The following RABGAP1 variants were observed in gnomAD, a reference collection of about 807,000 sequenced individuals.
The protein encoded by RABGAP1 is rab GTPase-activating protein 1.
A neutral mutation model predicts 137.6 loss-of-function variants in RABGAP1; 23 were observed. The observed-to-expected ratio is 0.17, with a 90% CI of 0.12 to 0.24. The LOEUF (loss-of-function observed/expected upper bound fraction) is 0.24. Ranked by LOEUF, RABGAP1 falls within the 10% of genes least tolerant of loss-of-function variation. The probability of loss-of-function intolerance (pLI) is 1.00; values close to 1 mark genes in which losing one functional copy is unlikely to be tolerated. For missense variants in RABGAP1, 906 were observed against 1,275.8 expected (o/e 0.71, Z 4.42); for synonymous variants, 451 against 450.7 (o/e 1.00, Z -0.01).
At chr9:122,986,533 C>T (rs1364117164) in intron 4 of RABGAP1, 114 bp downstream of exon 4, 5 of 1,149,668 alleles carry the variant, frequency 4.3e-6, no homozygotes, top group South Asian at 3.0e-5. Flanking sequence ...ACTTGTGTAA[C>T]GTTTCATTTA....
intron 13 of RABGAP1, among the ~76,000 whole-genome samples, chr9:123,051,640 A>G (rs1253139687): frequency 1.3e-5 from 2 of 152,122 alleles, no homozygotes; most frequent in African/African-American, 4.8e-5. Flanking sequence ...AACACTGAGC[A>G]GCCTTCATAC....
chr9:122,996,591 C>T lies in RABGAP1; in HGVS notation c.1087C>T (p.His363Tyr). The T allele has an allele frequency of 1.2e-6, 2 of 1,603,698 alleles. No individual in the cohort carries two copies. The part of the protein sequence containing the change: ...PGKDVRNSDM[H>Y]LLDLESMGKS... ...AAAAGATGTACGAAATAGTGACATG[C>T]ACTTATTAGATTTGGTAAGAATTTA... Residue 363 changes from histidine (H) to tyrosine (Y), a missense_variant, in exon 8 of 26, where the codon CAC (histidine) becomes TAC (tyrosine). Coordinates refer to ENST00000373647, the MANE Select transcript of RABGAP1 (RefSeq NM_012197.4).
chr9:122,964,159 T>C (rs1353049449), intron 2 of RABGAP1, among the ~76,000 whole-genome samples: 1 of 152,194 alleles, frequency 6.6e-6, no homozygotes, highest in African/African-American at 2.4e-5. Context: ...TTAATATCTA[T>C]TCTGCACAAA....
intron 2 of RABGAP1, among the ~76,000 whole-genome samples, chr9:122,967,934 G>A (rs1835256952): frequency 6.6e-6 from 1 of 152,020 alleles, no homozygotes; most frequent in South Asian, 2.1e-4. Context: ...TACCATGTTG[G>A]CTAGGCTGAT....
At chr9:123,099,697 C>T (rs963075376) in intron 24 of RABGAP1, 148 bp downstream of exon 24, 21 of 646,126 alleles carry the variant, frequency 3.3e-5, no homozygotes, top group Non-Finnish European at 5.4e-6. Context: ...CAGTAGTTGA[C>T]AACTAACACT....
intron 4 of RABGAP1, among the ~76,000 whole-genome samples, chr9:122,988,082 A>G (rs1161040075): frequency 6.6e-6 from 1 of 152,208 alleles, no homozygotes; most frequent in Non-Finnish European, 1.5e-5. Context: ...ATGATAAACT[A>G]TTAATAAAAT....
chr9:122,991,605 CTT>C (rs1244355425), intron 6 of RABGAP1, among the ~76,000 whole-genome samples: 26 of 139,310 alleles, frequency 1.9e-4, no homozygotes, highest in East Asian at 7.9e-4. Context: ...CTCTCTCTCT[CTT>C]TTTTTTTTTT....
the RABGAP1 span, among the ~76,000 whole-genome samples, chr9:122,935,795 T>C: frequency 6.6e-6 from 1 of 152,222 alleles, no homozygotes; most frequent in East Asian, 1.9e-4. Context: ...TACTATTGAG[T>C]GTACTTGCAC....
intron 13 of RABGAP1, among the ~76,000 whole-genome samples, chr9:123,029,042 C>T (rs1417928240): frequency 6.6e-6 from 1 of 152,088 alleles, no homozygotes; most frequent in Admixed American, 6.5e-5. Context: ...AGAATAATTG[C>T]AGCGAGACCC....
intron 13 of RABGAP1, among the ~76,000 whole-genome samples, chr9:123,023,049 T>C (rs1004649187): frequency 1.3e-5 from 2 of 152,148 alleles, no homozygotes; most frequent in Non-Finnish European, 2.9e-5. Context: ...CGGTGACCAC[T>C]ATCAAGAGCA....
intron 19 of RABGAP1, among the ~76,000 whole-genome samples, chr9:123,077,903 A>G (rs1232170290): frequency 1.3e-5 from 2 of 152,166 alleles, no homozygotes; most frequent in African/African-American, 4.8e-5. Context: ...TTTAACACAT[A>G]GAGAGGCTAA....
In RABGAP1 at chr9:122,956,543, A is replaced by G. The variant is rs547399450; in HGVS notation, c.-49-468A>G. On this transcript the variant is annotated intron_variant, in intron 1 of 25. Transcript: ENST00000373647. ...CAGGCACCTGTAGTCCTAGCTACTC[A>G]GGAGGCTGAGGCAGGAGAATGGCGT... Among the ~76,000 whole-genome samples the G allele has an allele frequency of 2.9e-3, 446 of 151,510 alleles. 2 individuals are homozygous for G. Among genetic ancestry groups the G allele is most frequent in the African/African-American group, 0.01 (422 of 41,320 alleles).
At chr9:122,987,368 A>C (rs1273369361) in intron 4 of RABGAP1, among the ~76,000 whole-genome samples, 1 of 152,148 alleles carries the variant, frequency 6.6e-6, no homozygotes, top group African/African-American at 2.4e-5. Context: ...AAATAGCCTT[A>C]ATTCTACTCT....
intron 13 of RABGAP1, among the ~76,000 whole-genome samples, chr9:123,023,523 G>C (rs917573001): frequency 6.6e-6 from 1 of 152,124 alleles, no homozygotes; most frequent in Non-Finnish European, 1.5e-5. Flanking sequence ...CACACAGCAC[G>C]TGCTCATTTG....
Position 123,104,304 on chromosome 9 carries a change from C to T in RABGAP1, c.*1091C>T, listed in dbSNP as rs2035437490. 1 of 152,688 alleles carries T rather than the reference C, an allele frequency of 6.5e-6. No individual in the cohort carries two copies. Among genetic ancestry groups the T allele is most frequent in the Non-Finnish European group, 1.5e-5 (1 of 68,040 alleles). 9.5% of individuals were successfully genotyped at this position (152,688 alleles called of 1,614,324 possible). On this transcript the variant is annotated 3_prime_UTR_variant, in exon 26 of 26. Coordinates refer to ENST00000373647, the MANE Select transcript of RABGAP1 (RefSeq NM_012197.4). ...TCTCCATCCTCCGGGCCTGTCCCTC[C>T]CAGATGGGCTGGGCCTTTGGGCCCT... is the stretch of plus-strand genomic sequence containing the variant.
At chr9:123,076,804 A>T (rs770858738) in intron 19 of RABGAP1, 42 bp downstream of exon 19, 26 of 1,469,026 alleles carry the variant, frequency 1.8e-5, no homozygotes, top group Middle Eastern at 1.8e-4. Flanking sequence ...TTTTTCACTT[A>T]GTGTCTCACT....
intron 13 of RABGAP1, among the ~76,000 whole-genome samples, chr9:123,040,719 G>A (rs745393948): frequency 2.6e-4 from 40 of 152,020 alleles, no homozygotes; most frequent in African/African-American, 5.6e-4. Flanking sequence ...TGAGGGAGCC[G>A]CTCATCTTAG....
Position 123,015,184 on chromosome 9 carries a change from A to T in RABGAP1, c.1550-359A>T, listed in dbSNP as rs544490742. On this transcript the variant is annotated intron_variant, in intron 11 of 25. Coordinates refer to ENST00000373647, the MANE Select transcript of RABGAP1 (RefSeq NM_012197.4). ...CAGTTAGGTAGTTTGAAATTTTTTAAGTGTTTTAAATAAGACATATATTTT... is the reference window on the plus strand; with the variant it reads ...CAGTTAGGTAGTTTGAAATTTTTTATGTGTTTTAAATAAGACATATATTTT... Among the ~76,000 whole-genome samples, 22 of 152,144 alleles carry T rather than the reference A, an allele frequency of 1.4e-4. No individual in the cohort carries two copies. The South Asian group carries it at 4.6e-3, about 32-fold the overall frequency.
At chr9:123,074,789 G>A (rs928069386) in intron 17 of RABGAP1, among the ~76,000 whole-genome samples, 3 of 152,302 alleles carry the variant, frequency 2.0e-5, no homozygotes, top group East Asian at 1.9e-4. Flanking sequence ...GCTGTTAGCC[G>A]TATGGAGGAG....
Sources: gnomAD v4.1 joint callset for allele counts (sites outside exome capture counted in the v4.1 genomes callset) on GRCh38, gnomAD v4.1.1 for gene constraint, MANE v1.5 for transcripts, NCBI Gene and HGNC (gene_info 2026-07-23, HGNC 2026-07-21) for gene names.